The following FOXH1 variants were observed in gnomAD, a reference collection of about 807,000 sequenced individuals.
The protein encoded by FOXH1 is forkhead box protein H1.
A neutral mutation model predicts 14.2 loss-of-function variants in FOXH1; 10 were observed. The observed-to-expected ratio is 0.70, with a 90% CI of 0.43 to 1.19. The LOEUF (loss-of-function observed/expected upper bound fraction) is 1.19. Ranked by LOEUF, FOXH1 falls within the 50% of genes most tolerant of loss-of-function variation. The pLI is 0.00. For missense variants in FOXH1, 643 were observed against 492.1 expected, an observed-to-expected ratio of 1.31 and a Z score of -2.90; for synonymous variants, 273 against 209.5, an observed-to-expected ratio of 1.30 and a Z score of -2.62.
Position 144,474,653 on chromosome 8 carries a change from A to C in FOXH1, c.683T>G (p.Val228Gly). 1.3e-6 allele frequency: 2 copies of C among 1,557,334 alleles called. No individual in the cohort carries two copies. Among genetic ancestry groups the C allele is most frequent in the Non-Finnish European group, 1.7e-6 (2 of 1,150,040 alleles). ...TCCCCCCTGCACAGTCTCCCCCTCC[A>C]CTCTCGTGGGGCCAGGAAGGGGGCA... is the stretch of plus-strand genomic sequence containing the variant. ...PLCPLPGPTR[V>G]EGETVQGGAI... Residue 228 changes from valine (V) to glycine (G), a missense_variant, in exon 3 of 3, where the codon GTG (valine) becomes GGG (glycine). Physicochemically the swap from Val to Gly is moderately radical, Grantham distance 109. Coordinates refer to ENST00000377317, the MANE Select transcript of FOXH1 (RefSeq NM_003923.3).
Position 144,474,673 on chromosome 8 carries a change from G to A in FOXH1, c.663C>T (p.Pro221=), listed in dbSNP as rs748109255. The part of the protein sequence containing the change: ...SSERPLWPLC[P]LPGPTRVEGE... ...CCTCCACTCTCGTGGGGCCAGGAAG[G>A]GGGCAGAGGGGCCACAGAGGCCTCT... Residue 221 remains proline, a synonymous_variant, in exon 3 of 3, where the codon CCC becomes CCT. Coordinates refer to ENST00000377317, the MANE Select transcript of FOXH1 (RefSeq NM_003923.3). The A allele has an allele frequency of 2.6e-6, 4 of 1,543,382 alleles. No homozygotes were observed. The East Asian group carries it at 9.2e-5, about 36-fold the overall frequency.
chr8:144,473,541 C>G lies in FOXH1; in HGVS notation c.*697G>C. On this transcript the variant is annotated 3_prime_UTR_variant, in exon 3 of 3. Coordinates refer to ENST00000377317, the MANE Select transcript of FOXH1 (RefSeq NM_003923.3). ...AGCTCCCAGAGTCACCCCTCCACCTCCGCAGCCAGTGAAGTGTGTTGTGCC... is the reference window on the plus strand; with the variant it reads ...AGCTCCCAGAGTCACCCCTCCACCTGCGCAGCCAGTGAAGTGTGTTGTGCC... 1 of 1,212,576 alleles carries G rather than the reference C, an allele frequency of 8.2e-7. No homozygotes were observed. Among genetic ancestry groups the G allele is most frequent in the Non-Finnish European group, 1.1e-6 (1 of 904,980 alleles). 75.1% of individuals were successfully genotyped at this position (1,212,576 alleles called of 1,614,324 possible).
In FOXH1 at chr8:144,473,818, G is replaced by A. The variant is rs1358549439; in HGVS notation, c.*420C>T. The A allele has an allele frequency of 8.5e-6, 3 of 353,174 alleles. No homozygotes were observed. The highest frequency in any genetic ancestry group is 6.3e-5 in the African/African-American group (3 of 47,750). 21.9% of individuals were successfully genotyped at this position (353,174 alleles called of 1,614,324 possible). A position where few individuals can be genotyped will look rare whatever the true frequency, so the allele number is the denominator to read the frequency against. On this transcript the variant is annotated 3_prime_UTR_variant, in exon 3 of 3. Coordinates refer to ENST00000377317, the MANE Select transcript of FOXH1 (RefSeq NM_003923.3). ...GTCTTTACTCCCTAACCCGTTTCCC[G>A]AAAAAGGTGCTACCTCCTTTCCAGA...
intron 2 of FOXH1, 38 bp downstream of exon 2, chr8:144,475,119 G>A: frequency 6.2e-7 from 1 of 1,607,174 alleles, no homozygotes; most frequent in Non-Finnish European, 8.5e-7. Context: ...ACTTCCGCGC[G>A]CGCTCCGCCC....
In FOXH1 at chr8:144,475,218, TCTTC is replaced by T. The variant is rs1400915366; in HGVS notation, c.214_217del (p.Glu72ThrfsTer40). ...AATGGAGTCTTTCCAGCCCTCGTAG[TCTTC>T]CCTGAAGAAGGGGAACACGGCCTGG... On this transcript the variant is annotated frameshift_variant, in exon 2 of 3. Coordinates refer to ENST00000377317, the MANE Select transcript of FOXH1 (RefSeq NM_003923.3). LOFTEE classifies it high-confidence loss of function. 4.3e-6 allele frequency: 7 copies of T among 1,613,470 alleles called. No homozygotes were observed. The highest frequency in any genetic ancestry group is 5.9e-6 in the Non-Finnish European group (7 of 1,179,898).
At position 144,475,621 on chromosome 8, in the gene FOXH1, T is replaced by G; in HGVS notation, c.136A>C (p.Ile46Leu). 6.9e-7 allele frequency: 1 copy of G among 1,441,636 alleles called. No individual in the cohort carries two copies. Among genetic ancestry groups the G allele is most frequent in the Non-Finnish European group, 9.1e-7 (1 of 1,094,220 alleles). The allele number at this position is 1,441,636 out of a possible 1,614,324, so 89.3% of individuals were successfully genotyped here. A position where few individuals can be genotyped will look rare whatever the true frequency, so the allele number is the denominator to read the frequency against. Residue 46 changes from isoleucine to leucine, a missense_variant, in exon 1 of 3, where the codon ATT becomes CTT. Coordinates refer to ENST00000377317, the MANE Select transcript of FOXH1 (RefSeq NM_003923.3). ...YTYLAMIALVIQAAPSRRLKL... is the reference protein window; with the variant it reads ...YTYLAMIALVLQAAPSRRLKL... ...AGTCTGCGGGAGGGAGCGGCCTGAA[T>G]CACCAAGGCGATCATGGCCAAGTAG...
chr8:144,475,125 C>G, intron 2 of FOXH1, 32 bp downstream of exon 2: 1 of 1,609,130 alleles, frequency 6.2e-7, no homozygotes, highest in East Asian at 2.2e-5. Context: ...GCGCGCGCTC[C>G]GCCCCCGGGC....
At chr8:144,475,562 T>C in intron 1 of FOXH1, 21 bp downstream of exon 1, 1 of 1,440,560 alleles carries the variant, frequency 6.9e-7, no homozygotes, top group Middle Eastern at 1.9e-4. Context: ...AAAGAGAGAG[T>C]GGGGGCCGGG....
At position 144,474,994 on chromosome 8, in the gene FOXH1, C is replaced by T. The variant is rs1277640046; in HGVS notation, c.342G>A (p.Leu114=). 1 of 1,607,210 alleles carries T rather than the reference C, an allele frequency of 6.2e-7. No individual in the cohort carries two copies. Among genetic ancestry groups the T allele is most frequent in the Non-Finnish European group, 8.5e-7 (1 of 1,177,876 alleles). ...GCAGCCGGAGCGCCTCAGCTGGGATCAGGCTCACGTCGACCGCCCAGAAGT... is the reference window on the plus strand; with the variant it reads ...GCAGCCGGAGCGCCTCAGCTGGGATTAGGCTCACGTCGACCGCCCAGAAGT... ...KGNFWAVDVS[L]IPAEALRLQN... The change falls in exon 3 of 3, where the codon CTG becomes CTA. Residue 114 remains leucine, a synonymous_variant. Transcript: ENST00000377317.
At chr8:144,475,308 G>A (rs758983162) in intron 1 of FOXH1, 47 bp from the exon 2 acceptor site, 1 of 1,499,322 alleles carries the variant, frequency 6.7e-7, no homozygotes, top group Non-Finnish European at 9.2e-7. Flanking sequence ...CAGACGGGGA[G>A]GGGGTAGCGC....
In FOXH1 at chr8:144,474,372, C is replaced by G; in HGVS notation, c.964G>C (p.Gly322Arg). Residue 322 changes from glycine to arginine, a missense_variant, in exon 3 of 3, where the codon GGG becomes CGG. Physicochemically the swap from Gly to Arg is moderately radical, Grantham distance 125 (BLOSUM62 -2). Transcript: ENST00000377317. ...AGGGCGTCTAGATCGCAGAGCAGCCCTGGGGGCCCTCGGGTTTCAGGGGCC... is the reference window on the plus strand; with the variant it reads ...AGGGCGTCTAGATCGCAGAGCAGCCGTGGGGGCCCTCGGGTTTCAGGGGCC... ...GVAPETRGPP[G>R]LLCDLDALFQ... is the part of the protein sequence containing the mutation. 6.2e-7 allele frequency: 1 copy of G among 1,613,176 alleles called. No homozygotes were observed. The highest frequency in any genetic ancestry group is 1.3e-5 in the African/African-American group (1 of 75,062).
chr8:144,475,576 C>T lies in FOXH1; in HGVS notation c.174+7G>A, dbSNP rs1309795509. 6 of 1,447,918 alleles carry T rather than the reference C, an allele frequency of 4.1e-6. No homozygotes were observed. The highest frequency in any genetic ancestry group is 1.8e-4 in the Middle Eastern group (1 of 5,488). The allele number at this position is 1,447,918 out of a possible 1,614,324, so 89.7% of individuals were successfully genotyped here. A position where few individuals can be genotyped will look rare whatever the true frequency, so the allele number is the denominator to read the frequency against. The stretch of plus-strand genomic sequence containing the variant: ...GAAAGAGAGAGTGGGGGCCGGGGCC[C>T]GCTCACCTGGGCCAGCTTCAGTCTG... On this transcript the variant is annotated splice_region_variant and intron_variant, in intron 1 of 2. Transcript: ENST00000377317.
At position 144,474,301 on chromosome 8, in the gene FOXH1, G is replaced by A; in HGVS notation, c.1035C>T (p.Val345=). 6.2e-7 allele frequency: 1 copy of A among 1,608,954 alleles called. No homozygotes were observed. ...PPNKSIYDVW[V]SHPRDLAAPG... ...GGGCCGCCAGGTCCCGAGGGTGGCT[G>A]ACCCAAACGTCGTAGATGCTTTTGT... The change falls in exon 3 of 3, where the codon GTC becomes GTT. Residue 345 remains valine (V), a synonymous_variant. Coordinates refer to ENST00000377317, the MANE Select transcript of FOXH1 (RefSeq NM_003923.3).
chr8:144,473,892 C>A lies in FOXH1; in HGVS notation c.*346G>T. 1 of 419,446 alleles carries A rather than the reference C, an allele frequency of 2.4e-6. No homozygotes were observed. The highest frequency in any genetic ancestry group is 4.3e-6 in the Non-Finnish European group (1 of 234,362). The allele number at this position is 419,446 out of a possible 1,614,324, so 26.0% of individuals were successfully genotyped here. On this transcript the variant is annotated 3_prime_UTR_variant, in exon 3 of 3. Transcript: ENST00000377317. The stretch of plus-strand genomic sequence containing the variant: ...AGGCTGGATCCACCACTGGGCTCTC[C>A]CTCCCCCAGCCTGGAGCACGGGAGG...
At position 144,475,209 on chromosome 8, in the gene FOXH1, C is replaced by A; in HGVS notation, c.227G>T (p.Gly76Val). 1.2e-6 allele frequency: 2 copies of A among 1,613,636 alleles called. No homozygotes were observed. The highest frequency in any genetic ancestry group is 1.7e-6 in the Non-Finnish European group (2 of 1,179,912). ...VFPFFREDYE[G>V]WKDSIRHNLS... Reference sequence around the variant, plus strand: ...GTTGTGGCGAATGGAGTCTTTCCAGCCCTCGTAGTCTTCCCTGAAGAAGGG... The same window carrying A: ...GTTGTGGCGAATGGAGTCTTTCCAGACCTCGTAGTCTTCCCTGAAGAAGGG... The change falls in exon 2 of 3, where the codon GGC (glycine) becomes GTC (valine). Residue 76 changes from glycine (G) to valine (V), a missense_variant. Physicochemically the swap from Gly to Val is moderately radical, Grantham distance 109. Coordinates refer to ENST00000377317, the MANE Select transcript of FOXH1 (RefSeq NM_003923.3).
rs1168252418 is a variant in FOXH1, at chr8:144,474,205, C to T, written c.*33G>A. 2 of 1,485,114 alleles carry T rather than the reference C, an allele frequency of 1.3e-6. No homozygotes were observed. Among genetic ancestry groups the T allele is most frequent in the South Asian group, 1.3e-5 (1 of 75,368 alleles). The allele number at this position is 1,485,114 out of a possible 1,614,324, so 92.0% of individuals were successfully genotyped here. ...CCTGTCAACAAGGTGGGGGTGGGAG[C>T]GGGAGGGAGGAGTGGCCCCTGTCTT... On this transcript the variant is annotated 3_prime_UTR_variant, in exon 3 of 3. Coordinates refer to ENST00000377317, the MANE Select transcript of FOXH1 (RefSeq NM_003923.3).
chr8:144,473,679 C>T lies in FOXH1; in HGVS notation c.*559G>A. On this transcript the variant is annotated 3_prime_UTR_variant, in exon 3 of 3. Transcript: ENST00000377317. ...ACACAGCAGGGAATCCCAGGCCCCCCCGCCAAGTGGTTACCCAAGTCACCA... is the reference window on the plus strand; with the variant it reads ...ACACAGCAGGGAATCCCAGGCCCCCTCGCCAAGTGGTTACCCAAGTCACCA... 1 of 491,440 alleles carries T rather than the reference C, an allele frequency of 2.0e-6. No individual in the cohort carries two copies. The highest frequency in any genetic ancestry group is 3.4e-5 in the East Asian group (1 of 29,058). 30.4% of individuals were successfully genotyped at this position (491,440 alleles called of 1,614,324 possible).
In FOXH1 at chr8:144,474,071, G is replaced by T; in HGVS notation, c.*167C>A. On this transcript the variant is annotated 3_prime_UTR_variant, in exon 3 of 3. Coordinates refer to ENST00000377317, the MANE Select transcript of FOXH1 (RefSeq NM_003923.3). ...CAGGGTGAGGGTTGTGCCCAGCTGG[G>T]CCACGGCCATGCGTGGGGTGGCCCA... 1 of 615,918 alleles carries T rather than the reference G, an allele frequency of 1.6e-6. No individual in the cohort carries two copies. Among genetic ancestry groups the T allele is most frequent in the East Asian group, 2.8e-5 (1 of 36,302 alleles). The allele number at this position is 615,918 out of a possible 1,614,324, so 38.2% of individuals were successfully genotyped here. A position where few individuals can be genotyped will look rare whatever the true frequency, so the allele number is the denominator to read the frequency against.
In FOXH1 at chr8:144,475,057, C is replaced by G; in HGVS notation, c.280-1G>C. 2 of 1,600,850 alleles carry G rather than the reference C, an allele frequency of 1.2e-6. No individual in the cohort carries two copies. Among genetic ancestry groups the G allele is most frequent in the Non-Finnish European group, 1.7e-6 (2 of 1,174,108 alleles). On this transcript the variant is annotated splice_acceptor_variant, in intron 2 of 2. Transcript: ENST00000377317. LOFTEE classifies it high-confidence loss of function. ...GGGGCTTTGCAGGGTCCTTGGGCACCTGGGTGTGGGGGTCAGACATGGGTG... is the reference window on the plus strand; with the variant it reads ...GGGGCTTTGCAGGGTCCTTGGGCACGTGGGTGTGGGGGTCAGACATGGGTG...
Sources: allele counts gnomAD v4.1 joint callset, GRCh38; gene constraint gnomAD v4.1.1; transcripts MANE v1.5; gene names NCBI Gene and HGNC (gene_info 2026-07-23, HGNC 2026-07-21).